The following SLC24A2 variants were observed in gnomAD, a reference collection of about 807,000 sequenced individuals.
The protein encoded by SLC24A2 is sodium/potassium/calcium exchanger 2.
SLC24A2 carries 36 observed loss-of-function variants against 62.0 expected under a neutral mutation model. That is an observed-to-expected ratio of 0.58 (90% confidence interval 0.44 to 0.77). SLC24A2 has a LOEUF of 0.77. SLC24A2 is among the 30% of genes least tolerant of loss of function. The pLI, the probability that SLC24A2 is intolerant of heterozygous loss-of-function variation, is 0.00. For synonymous variants in SLC24A2, 358 were observed against 294.0 expected, an observed-to-expected ratio of 1.22 and a Z score of -2.23; for missense variants, 846 against 817.9, an observed-to-expected ratio of 1.03 and a Z score of -0.42.
At chr9:19,646,960 A>G (rs1399685142) in intron 2 of SLC24A2, among the ~76,000 whole-genome samples, 1 of 151,852 alleles carries the variant, frequency 6.6e-6, no homozygotes, top group African/African-American at 2.4e-5. Flanking sequence ...AGTCTGCCAA[A>G]TTTCCATCCA....
intron 7 of SLC24A2, among the ~76,000 whole-genome samples, chr9:19,570,912 C>CT (rs1835818523): frequency 6.6e-6 from 1 of 152,198 alleles, no homozygotes; most frequent in Non-Finnish European, 1.5e-5. Flanking sequence ...GACCTGATTG[C>CT]TCTTGAACTC....
At chr9:19,990,922 G>GATATATATATATATATATATACACAT in the SLC24A2 span, among the ~76,000 whole-genome samples, 1 of 120,812 alleles carries the variant, frequency 8.3e-6, no homozygotes, top group African/African-American at 3.6e-5. Context: ...GGACTAATAG[G>GATATATATATATATATATATACACAT]ATATATATAT....
chr9:19,730,527 T>C (rs1008823954), intron 2 of SLC24A2, among the ~76,000 whole-genome samples: 3 of 152,166 alleles, frequency 2.0e-5, no homozygotes, highest in African/African-American at 7.2e-5. Flanking sequence ...TTAAGAATGC[T>C]AGGCCATTAT....
At chr9:20,094,949 G>C in the SLC24A2 span, among the ~76,000 whole-genome samples, 1 of 152,066 alleles carries the variant, frequency 6.6e-6, no homozygotes, top group African/African-American at 2.4e-5. Context: ...GGGTGTAGTA[G>C]TTTTAAAATA....
At chr9:19,823,802 T>C in the SLC24A2 span, among the ~76,000 whole-genome samples, 3 of 152,124 alleles carry the variant, frequency 2.0e-5, no homozygotes, top group Non-Finnish European at 2.9e-5. Context: ...CAAAAGAGCA[T>C]GGTACTGGTA....
At chr9:20,206,216 A>C in the SLC24A2 span, among the ~76,000 whole-genome samples, 1 of 152,216 alleles carries the variant, frequency 6.6e-6, no homozygotes, top group African/African-American at 2.4e-5. Context: ...CAATTATCTG[A>C]AAAGTCTATA....
chr9:19,555,304 A>C (rs1835028619), intron 7 of SLC24A2, among the ~76,000 whole-genome samples: 1 of 152,354 alleles, frequency 6.6e-6, no homozygotes, highest in Non-Finnish European at 1.5e-5. Context: ...CAGCACTAAG[A>C]AAAGTCAGAC....
the SLC24A2 span, among the ~76,000 whole-genome samples, chr9:20,047,009 C>T: frequency 1.3e-5 from 2 of 152,104 alleles, no homozygotes; most frequent in Admixed American, 1.3e-4. Flanking sequence ...TACGGGACTA[C>T]TATTCCTTTC....
intron 4 of SLC24A2, among the ~76,000 whole-genome samples, chr9:19,600,745 A>G (rs113062159): frequency 2.2e-4 from 33 of 152,306 alleles, no homozygotes; most frequent in African/African-American, 7.0e-4. Flanking sequence ...GACTCAGGCC[A>G]TATTTCACCT....
In SLC24A2 at chr9:19,588,418, C is replaced by T. The variant is rs774915282; in HGVS notation, c.1129+8811G>A. 5.3e-5 allele frequency among the ~76,000 whole-genome samples: 8 copies of T among 151,996 alleles called. 1 individual carries two copies. The highest frequency in any genetic ancestry group is 1.0e-4 in the Non-Finnish European group (7 of 67,992). Reference sequence around the variant, plus strand: ...CTTCTCAGACTTTCTGTAGGGATAGCAATGATCTTGAGGTATGAAGGGCAC... The same window carrying T: ...CTTCTCAGACTTTCTGTAGGGATAGTAATGATCTTGAGGTATGAAGGGCAC... On this transcript the variant is annotated intron_variant, in intron 5 of 10. Coordinates refer to ENST00000341998, the MANE Select transcript of SLC24A2 (RefSeq NM_020344.4).
chr9:20,152,906 T>C, the SLC24A2 span, among the ~76,000 whole-genome samples: 3 of 151,820 alleles, frequency 2.0e-5, no homozygotes, highest in African/African-American at 7.3e-5. Context: ...GCCTCAAAAC[T>C]CTTAGAATTT....
At chr9:20,184,492 T>C in the SLC24A2 span, among the ~76,000 whole-genome samples, 1 of 152,180 alleles carries the variant, frequency 6.6e-6, no homozygotes, top group Non-Finnish European at 1.5e-5. Context: ...GAGGTCTCAG[T>C]GAGCTGAGAT....
At chr9:19,620,076 G>A (rs1817872820) in intron 3 of SLC24A2, among the ~76,000 whole-genome samples, 2 of 152,188 alleles carry the variant, frequency 1.3e-5, no homozygotes, top group Non-Finnish European at 2.9e-5. Context: ...CTGACAAGAA[G>A]TGGAGGATGG....
At chr9:19,579,395 C>G (rs757434686) in intron 5 of SLC24A2, among the ~76,000 whole-genome samples, 3 of 152,112 alleles carry the variant, frequency 2.0e-5, no homozygotes, top group Admixed American at 6.6e-5. Flanking sequence ...ACTCTGCAGT[C>G]CTCAGCCTAA....
the SLC24A2 span, among the ~76,000 whole-genome samples, chr9:19,870,082 T>TA: frequency 6.6e-6 from 1 of 152,204 alleles, no homozygotes; most frequent in Non-Finnish European, 1.5e-5. Context: ...AGTCTTTTTT[T>TA]AGTTTATTCA....
chr9:19,897,811 C>A, the SLC24A2 span, among the ~76,000 whole-genome samples: 1 of 152,148 alleles, frequency 6.6e-6, no homozygotes, highest in Non-Finnish European at 1.5e-5. Context: ...AAGGGCAAAA[C>A]TGAGACTGAA....
the SLC24A2 span, among the ~76,000 whole-genome samples, chr9:20,009,280 G>C: frequency 6.6e-6 from 1 of 151,648 alleles, no homozygotes; most frequent in Admixed American, 6.6e-5. Context: ...AGCTACTCTG[G>C]AGGCTGAGGC....
the SLC24A2 span, among the ~76,000 whole-genome samples, chr9:20,185,403 C>T: frequency 1.4e-4 from 21 of 151,926 alleles, no homozygotes; most frequent in African/African-American, 3.9e-4. Flanking sequence ...TCGCGGCTCA[C>T]GCCTGTAATC....
chr9:20,230,739 G>T, the SLC24A2 span, among the ~76,000 whole-genome samples: 19 of 152,094 alleles, frequency 1.2e-4, no homozygotes, highest in African/African-American at 2.9e-4. Context: ...TTAGTTTAAT[G>T]AGATCCCATT....
Sources: gnomAD v4.1 joint callset for allele counts (sites outside exome capture counted in the v4.1 genomes callset) on GRCh38, gnomAD v4.1.1 for gene constraint, MANE v1.5 for transcripts, NCBI Gene and HGNC (gene_info 2026-07-23, HGNC 2026-07-21) for gene names.